Variants in CARMIL1 observed in about 807,000 individuals in gnomAD.
CARMIL1 encodes capping protein regulator and myosin 1 linker 1.
Under a neutral mutation model 177.1 loss-of-function variants are expected in CARMIL1, and 90 were observed. The ratio of observed to expected loss-of-function variants is 0.51; its 90% CI spans 0.43 to 0.61. The LOEUF (loss-of-function observed/expected upper bound fraction) is 0.61, where lower values mean the gene tolerates loss of function less well. Among genes scored for constraint, CARMIL1 ranks in the 20% least tolerant of loss-of-function variants. The pLI, the probability that CARMIL1 is intolerant of heterozygous loss-of-function variation, is 0.00. For missense variants in CARMIL1, 1,380 were observed against 1,667.0 expected (o/e 0.83, Z 3.00); for synonymous variants, 577 against 606.2 (o/e 0.95, Z 0.71).
At chr6:25,318,209 AAGGGGAGCAGC>A (rs1784421063) in intron 2 of CARMIL1, among the ~76,000 whole-genome samples, 1 of 151,916 alleles carries the variant, frequency 6.6e-6, no homozygotes, top group Non-Finnish European at 1.5e-5. Context: ...AGTGGGTTGG[AAGGGGAGCAGC>A]AGGGCATCCG....
At chr6:25,425,582 G>T (rs1004628595) in intron 3 of CARMIL1, among the ~76,000 whole-genome samples, 4 of 152,034 alleles carry the variant, frequency 2.6e-5, no homozygotes, top group African/African-American at 9.7e-5. Flanking sequence ...ACTGTCTCTA[G>T]CTCCATGCTC....
At chr6:25,327,301 A>G (rs1785215016) in intron 2 of CARMIL1, among the ~76,000 whole-genome samples, 1 of 152,194 alleles carries the variant, frequency 6.6e-6, no homozygotes, top group Non-Finnish European at 1.5e-5. Context: ...GAAAACCAGG[A>G]AACTGGTTTC....
At chr6:25,396,796 G>A (rs904798601) in intron 2 of CARMIL1, among the ~76,000 whole-genome samples, 3 of 152,222 alleles carry the variant, frequency 2.0e-5, no homozygotes, top group Admixed American at 6.5e-5. Flanking sequence ...GAGTCACAGC[G>A]TCCTTAGAGA....
intron 8 of CARMIL1, among the ~76,000 whole-genome samples, chr6:25,463,497 C>T (rs1192415622): frequency 6.6e-6 from 1 of 152,184 alleles, no homozygotes; most frequent in African/African-American, 2.4e-5. Flanking sequence ...TGACAAAAGC[C>T]AGTTATACTT....
intron 32 of CARMIL1, among the ~76,000 whole-genome samples, chr6:25,599,097 G>A (rs935743364): frequency 1.6e-4 from 25 of 152,190 alleles, no homozygotes; most frequent in African/African-American, 4.8e-4. Context: ...AGTGAACTTG[G>A]GTGTTGGGAT....
intron 2 of CARMIL1, among the ~76,000 whole-genome samples, chr6:25,316,885 G>T (rs1784324451): frequency 6.6e-6 from 1 of 152,170 alleles, no homozygotes; most frequent in Non-Finnish European, 1.5e-5. Flanking sequence ...CTTGAGTCCT[G>T]TTAGGTTACT....
intron 2 of CARMIL1, among the ~76,000 whole-genome samples, chr6:25,411,015 TG>T (rs1207775567): frequency 6.6e-6 from 1 of 152,172 alleles, no homozygotes; most frequent in Non-Finnish European, 1.5e-5. Flanking sequence ...TAAAAGAGGC[TG>T]GCTGGCCCTG....
intron 2 of CARMIL1, among the ~76,000 whole-genome samples, chr6:25,368,174 A>C (rs1790040026): frequency 6.6e-6 from 1 of 152,210 alleles, no homozygotes; most frequent in Non-Finnish European, 1.5e-5. Context: ...CCTGATCCTT[A>C]CTGGAGTTGA....
At chr6:25,331,737 G>T (rs975641102) in intron 2 of CARMIL1, among the ~76,000 whole-genome samples, 1 of 152,128 alleles carries the variant, frequency 6.6e-6, no homozygotes, top group East Asian at 1.9e-4. Flanking sequence ...ACTCCCTGAA[G>T]CCCACTTACT....
chr6:25,527,846 T>C (rs533344185), intron 23 of CARMIL1, among the ~76,000 whole-genome samples: 11 of 152,350 alleles, frequency 7.2e-5, no homozygotes, highest in African/African-American at 2.6e-4. Flanking sequence ...AAAATTAAAA[T>C]GTAAAAATAC....
chr6:25,421,539 ACTATAAATCATG>A (rs970793027), intron 3 of CARMIL1, among the ~76,000 whole-genome samples: 4 of 152,142 alleles, frequency 2.6e-5, no homozygotes, highest in Admixed American at 2.0e-4. Context: ...TACCCAAAGG[ACTATAAATCATG>A]CTGCTATAAA....
At chr6:25,309,091 T>C (rs1207187657) in intron 2 of CARMIL1, among the ~76,000 whole-genome samples, 2 of 152,214 alleles carry the variant, frequency 1.3e-5, no homozygotes, top group Non-Finnish European at 2.9e-5. Context: ...TCTCACTATG[T>C]TGCCCAGGCT....
chr6:25,356,098 C>T (rs539117082), intron 2 of CARMIL1, among the ~76,000 whole-genome samples: 88 of 150,836 alleles, frequency 5.8e-4, no homozygotes, highest in African/African-American at 2.0e-3. Context: ...TCGCCCAGGC[C>T]GGACTGCGGA....
intron 3 of CARMIL1, among the ~76,000 whole-genome samples, chr6:25,420,833 A>T (rs553135948): frequency 9.2e-5 from 14 of 152,352 alleles, no homozygotes; most frequent in Non-Finnish European, 1.6e-4. Context: ...TATGTTAACT[A>T]AAAGGAGTTT....
intron 2 of CARMIL1, among the ~76,000 whole-genome samples, chr6:25,414,640 G>A (rs1795211889): frequency 6.6e-6 from 1 of 152,144 alleles, no homozygotes; most frequent in African/African-American, 2.4e-5. Flanking sequence ...TAAAACAAGA[G>A]TCACAATCTG....
At chr6:25,328,562 A>G (rs2690109) in intron 2 of CARMIL1, among the ~76,000 whole-genome samples, 66,399 of 151,946 alleles carry the variant, frequency 0.44, 14,526 homozygotes, top group African/African-American at 0.47. Context: ...TTTCTTTTCT[A>G]TAGAAGTTAT....
chr6:25,486,537 C>T (rs2150983858), intron 12 of CARMIL1, among the ~76,000 whole-genome samples: 1 of 152,204 alleles, frequency 6.6e-6, no homozygotes, highest in East Asian at 1.9e-4. Context: ...ATGTTTTGGA[C>T]TTAGTTATTC....
intron 4 of CARMIL1, among the ~76,000 whole-genome samples, chr6:25,434,889 C>T (rs1006718943): frequency 1.3e-5 from 2 of 152,058 alleles, no homozygotes; most frequent in African/African-American, 4.8e-5. Context: ...TGCTCCCAAG[C>T]AAAAGGTTTT....
chr6:25,403,099 T>TTA (rs371018813), intron 2 of CARMIL1, among the ~76,000 whole-genome samples: 3 of 147,090 alleles, frequency 2.0e-5, no homozygotes, highest in Non-Finnish European at 3.0e-5. Flanking sequence ...TTTTTTTTTT[T>TTA]AAAAACAAAA....
Sources: allele counts gnomAD v4.1 joint callset (sites outside exome capture counted in the v4.1 genomes callset), GRCh38; gene constraint gnomAD v4.1.1; transcripts MANE v1.5; gene names NCBI Gene and HGNC (gene_info 2026-07-23, HGNC 2026-07-21).